The following BMP7 variants were observed in gnomAD, a reference collection of about 807,000 sequenced individuals.
BMP7 encodes bone morphogenetic protein 7, also known as osteogenic protein 1.
BMP7 carries 12 observed loss-of-function variants against 41.2 expected under a neutral mutation model. That is an observed-to-expected ratio of 0.29 (90% confidence interval 0.19 to 0.47). BMP7 has a LOEUF of 0.47. Among genes scored for constraint, BMP7 ranks in the 20% least tolerant of loss-of-function variants. BMP7 has a pLI of 0.99. For synonymous variants in BMP7, 248 were observed against 250.0 expected (o/e 0.99, Z 0.07); for missense variants, 467 against 606.0 (o/e 0.77, Z 2.41).
chr20:57,183,399 G>A (rs1984130876), intron 4 of BMP7, among the ~76,000 whole-genome samples: 1 of 104,096 alleles, frequency 9.6e-6, no homozygotes. Context: ...GCCCCCCCAG[G>A]GGTCTTCCCA....
intron 1 of BMP7, among the ~76,000 whole-genome samples, chr20:57,249,427 C>T (rs1292216211): frequency 6.6e-6 from 1 of 152,098 alleles, no homozygotes; most frequent in Non-Finnish European, 1.5e-5. Context: ...TATGGAGATA[C>T]TGCATAACGA....
chr20:57,179,821 C>T (rs1029501351), intron 4 of BMP7, among the ~76,000 whole-genome samples: 1 of 152,152 alleles, frequency 6.6e-6, no homozygotes, highest in Non-Finnish European at 1.5e-5. Context: ...GCAAACAGGG[C>T]CACGAGCCAT....
chr20:57,248,071 G>T (rs1406671949), intron 1 of BMP7, among the ~76,000 whole-genome samples: 1 of 152,160 alleles, frequency 6.6e-6, no homozygotes, highest in Non-Finnish European at 1.5e-5. Context: ...GCTACAGAGG[G>T]TCTGGTTAAA....
Position 57,228,538 on chromosome 20 carries a change from G to A in BMP7, c.419-117C>T. 8.3e-7 allele frequency: 1 copy of A among 1,203,384 alleles called. No individual in the cohort carries two copies. The highest frequency in any genetic ancestry group is 1.2e-6 in the Non-Finnish European group (1 of 817,358). 74.5% of individuals were successfully genotyped at this position (1,203,384 alleles called of 1,614,324 possible). On this transcript the variant is annotated intron_variant, in intron 1 of 6. Transcript: ENST00000395863. The surrounding 1 kb of genome is among the most constrained non-coding windows in gnomAD (Gnocchi z 4.5). ...CTAGATGGAGGCATGCCCATTGCCAGTGACCCCAGTGACAACTGCTCCTTC... is the reference window on the plus strand; with the variant it reads ...CTAGATGGAGGCATGCCCATTGCCAATGACCCCAGTGACAACTGCTCCTTC...
chr20:57,197,960 G>A (rs981994007), intron 3 of BMP7, among the ~76,000 whole-genome samples: 5 of 152,200 alleles, frequency 3.3e-5, no homozygotes, highest in Non-Finnish European at 7.3e-5. Flanking sequence ...GAAGCTCAGG[G>A]CCTGGCTTGT....
At position 57,173,243 on chromosome 20, in the gene BMP7, T is replaced by C; in HGVS notation, c.1103A>G (p.Asn368Ser). 1 of 1,613,826 alleles carries C rather than the reference T, an allele frequency of 6.2e-7. No homozygotes were observed. The highest frequency in any genetic ancestry group is 8.5e-7 in the Non-Finnish European group (1 of 1,179,944). ...YCEGECAFPLNSYMNATNHAI... is the reference protein window; with the variant it reads ...YCEGECAFPLSSYMNATNHAI... ...GTGGTTGGTGGCGTTCATGTAGGAG[T>C]TCAGAGGGAAGGCACACTCCCCCTC... The change falls in exon 6 of 7, where the codon AAC (asparagine) becomes AGC (serine). Residue 368 changes from asparagine (N) to serine (S), a missense_variant. Physicochemically the swap from Asn to Ser is conservative, Grantham distance 46. This residue lies in a region of BMP7 where 60 missense variants were observed against 120.1 expected (regional missense o/e 0.50). Coordinates refer to ENST00000395863, the MANE Select transcript of BMP7 (RefSeq NM_001719.3).
At chr20:57,188,955 T>C (rs6025433) in intron 3 of BMP7, among the ~76,000 whole-genome samples, 76,767 of 152,154 alleles carry the variant, frequency 0.5, 21,727 homozygotes, top group African/African-American at 0.78. Context: ...AACCACAAGC[T>C]CTCGTGCTGC....
intron 2 of BMP7, among the ~76,000 whole-genome samples, chr20:57,227,479 T>A (rs2066012053): frequency 6.8e-6 from 1 of 147,660 alleles, no homozygotes. Flanking sequence ...GTCCCCTTTC[T>A]AGCTGAAGAT....
chr20:57,258,802 A>G (rs1035740735), intron 1 of BMP7, among the ~76,000 whole-genome samples: 1 of 152,236 alleles, frequency 6.6e-6, no homozygotes, highest in Non-Finnish European at 1.5e-5. Context: ...TTAAAATAAC[A>G]TGGGCAGTTT....
At chr20:57,251,797 G>A (rs2066114966) in intron 1 of BMP7, among the ~76,000 whole-genome samples, 1 of 152,178 alleles carries the variant, frequency 6.6e-6, no homozygotes, top group Non-Finnish European at 1.5e-5. Flanking sequence ...ATCTGGGCGT[G>A]GTGATGCACG....
At chr20:57,178,328 G>A (rs1327308275) in intron 4 of BMP7, among the ~76,000 whole-genome samples, 1 of 152,174 alleles carries the variant, frequency 6.6e-6, no homozygotes, top group Non-Finnish European at 1.5e-5. Context: ...CAGACAGTGT[G>A]GGCGGAGGGA....
At chr20:57,180,655 T>G (rs1344205456) in intron 4 of BMP7, among the ~76,000 whole-genome samples, 3 of 152,104 alleles carry the variant, frequency 2.0e-5, no homozygotes, top group Non-Finnish European at 4.4e-5. Context: ...AAAAGAGGCT[T>G]CGAATACAAA....
At chr20:57,207,830 T>G (rs1184925737) in intron 2 of BMP7, among the ~76,000 whole-genome samples, 1 of 141,446 alleles carries the variant, frequency 7.1e-6, no homozygotes, top group Non-Finnish European at 1.5e-5. Context: ...TTTTTTTTTT[T>G]TTTTTTTTTT....
chr20:57,189,072 A>G (rs1194991287), intron 3 of BMP7, among the ~76,000 whole-genome samples: 1 of 152,142 alleles, frequency 6.6e-6, no homozygotes, highest in Non-Finnish European at 1.5e-5. Context: ...GGAGGTCAGC[A>G]CCCCAGGGGT....
intron 1 of BMP7, among the ~76,000 whole-genome samples, chr20:57,253,855 A>G (rs1422307454): frequency 6.6e-6 from 1 of 152,104 alleles, no homozygotes; most frequent in Non-Finnish European, 1.5e-5. Context: ...CATCTTCCAC[A>G]ACCACAGGGC....
Position 57,183,880 on chromosome 20 carries a change from C to T in BMP7, c.800G>A (p.Arg267Gln), listed in dbSNP as rs143311015. The change falls in exon 4 of 7, where the codon CGG becomes CAG. Residue 267 changes from arginine (R) to glutamine (Q), a missense_variant. Physicochemically the swap from Arg to Gln is conservative, Grantham distance 43 (BLOSUM62 1). Around this residue, in one of 2 missense-constraint regions of BMP7, gnomAD observed 407 missense variants for 485.9 expected, o/e 0.84. Transcript: ENST00000395863. ...GGGCTGCTTGTTCTGGGGCCCGTGCCGCCCAATCAGGCCCGCCAACTTGGG... is the reference window on the plus strand; with the variant it reads ...GGGCTGCTTGTTCTGGGGCCCGTGCTGCCCAATCAGGCCCGCCAACTTGGG... ...INPKLAGLIG[R>Q]HGPQNKQPFM... 1.0e-4 allele frequency: 166 copies of T among 1,614,092 alleles called. No individual in the cohort carries two copies. The African/African-American group carries it at 1.2e-3, about 12-fold the overall frequency.
chr20:57,214,385 C>CA lies in BMP7; in HGVS notation c.612-11763dup, dbSNP rs1984964353. ...TTTATCAGCTCTTAGGATAAAAAGC[C>CA]AAAGCTCTCTAATGTGTTCTGTGAT... On this transcript the variant is annotated intron_variant, in intron 2 of 6. Transcript: ENST00000395863. This position sits in a 1 kb window ranked among gnomAD's most constrained non-coding sequence, Gnocchi z 4.0. Among the ~76,000 whole-genome samples, 1 of 152,168 alleles carries CA rather than the reference C, an allele frequency of 6.6e-6. No homozygotes were observed. Among genetic ancestry groups the CA allele is most frequent in the South Asian group, 2.1e-4 (1 of 4,832 alleles).
At chr20:57,253,957 C>A (rs768430371) in intron 1 of BMP7, among the ~76,000 whole-genome samples, 1 of 149,522 alleles carries the variant, frequency 6.7e-6, no homozygotes, top group Non-Finnish European at 1.5e-5. Flanking sequence ...CACAGATGTC[C>A]TTGTTCTGGC....
At chr20:57,218,447 A>C (rs191275446) in intron 2 of BMP7, among the ~76,000 whole-genome samples, 1,698 of 128,418 alleles carry the variant, frequency 0.013, 12 homozygotes, top group Middle Eastern at 0.036. Flanking sequence ...GTTTGGTGGT[A>C]GCTGGTGTTT....
Sources: allele counts gnomAD v4.1 joint callset (sites outside exome capture counted in the v4.1 genomes callset), GRCh38; gene constraint gnomAD v4.1.1; regional missense constraint gnomAD v4.1.1; non-coding constraint Gnocchi (gnomAD v3.1); transcripts MANE v1.5; gene names NCBI Gene and HGNC (gene_info 2026-07-23, HGNC 2026-07-21).